Variants in ADAMTS17 observed in about 807,000 individuals in gnomAD.
ADAMTS17 encodes A disintegrin and metalloproteinase with thrombospondin motifs 17.
A neutral mutation model predicts 141.5 loss-of-function variants in ADAMTS17; 113 were observed. The ratio of observed to expected loss-of-function variants is 0.80; its 90% CI spans 0.69 to 0.93. The LOEUF (loss-of-function observed/expected upper bound fraction) is 0.93. Ranked by LOEUF, ADAMTS17 falls within the 40% of genes least tolerant of loss-of-function variation. ADAMTS17 has a pLI of 0.00. For synonymous variants in ADAMTS17, 768 were observed against 630.6 expected, an observed-to-expected ratio of 1.22 and a Z score of -3.27; for missense variants, 1,659 against 1,517.9, an observed-to-expected ratio of 1.09 and a Z score of -1.54.
chr15:100,204,775 C>G (rs1355124126), intron 7 of ADAMTS17, among the ~76,000 whole-genome samples: 4 of 152,136 alleles, frequency 2.6e-5, no homozygotes, highest in African/African-American at 4.8e-5. Flanking sequence ...TGGGAAAATC[C>G]TAACCTCTTA....
At chr15:100,112,922 T>C (rs1325478874) in intron 13 of ADAMTS17, among the ~76,000 whole-genome samples, 1 of 152,160 alleles carries the variant, frequency 6.6e-6, no homozygotes, top group African/African-American at 2.4e-5. Context: ...AAGACACTCG[T>C]GGCTCTCAGC....
intron 18 of ADAMTS17, among the ~76,000 whole-genome samples, chr15:100,045,006 T>C (rs1001810942): frequency 6.6e-6 from 1 of 151,840 alleles, no homozygotes; most frequent in African/African-American, 2.4e-5. Flanking sequence ...TGGGGTTTCA[T>C]CATGTTGGCC....
intron 7 of ADAMTS17, among the ~76,000 whole-genome samples, chr15:100,237,187 G>A (rs2042684846): frequency 6.6e-6 from 1 of 152,176 alleles, no homozygotes; most frequent in South Asian, 2.1e-4. Flanking sequence ...GAGGAGCCCA[G>A]CCTCAGCACC....
At chr15:100,326,900 G>C (rs913245979) in intron 3 of ADAMTS17, among the ~76,000 whole-genome samples, 1 of 152,242 alleles carries the variant, frequency 6.6e-6, no homozygotes, top group African/African-American at 2.4e-5. Context: ...TGACCGCAGA[G>C]AAGTGAAGCT....
intron 3 of ADAMTS17, among the ~76,000 whole-genome samples, chr15:100,310,657 A>G (rs73485932): frequency 0.077 from 11,665 of 152,114 alleles, 499 homozygotes; most frequent in African/African-American, 0.11. Context: ...TTGCATCCAC[A>G]CCACCACCAA....
At chr15:100,023,176 T>G (rs1434530824) in intron 18 of ADAMTS17, among the ~76,000 whole-genome samples, 5 of 152,142 alleles carry the variant, frequency 3.3e-5, no homozygotes, top group African/African-American at 1.2e-4. Context: ...CTTGTCAACT[T>G]TTGTTTTTAG....
intron 18 of ADAMTS17, among the ~76,000 whole-genome samples, chr15:100,033,535 G>A (rs1056396148): frequency 6.7e-6 from 1 of 149,088 alleles, no homozygotes; most frequent in East Asian, 1.9e-4. Context: ...CCTGTCTATA[G>A]GACTTAATAG....
chr15:100,265,882 C>G (rs2043698035), intron 4 of ADAMTS17, among the ~76,000 whole-genome samples: 1 of 152,226 alleles, frequency 6.6e-6, no homozygotes, highest in African/African-American at 2.4e-5. Context: ...CCCCAGCCCC[C>G]ACTGAATCAG....
chr15:100,194,342 C>G (rs1389680257), intron 8 of ADAMTS17, among the ~76,000 whole-genome samples: 3 of 152,226 alleles, frequency 2.0e-5, no homozygotes, highest in African/African-American at 7.2e-5. Flanking sequence ...GGCACCTCCC[C>G]TGGACCTAGC....
intron 4 of ADAMTS17, among the ~76,000 whole-genome samples, 192 bp from the exon 5 acceptor site, chr15:100,262,627 A>G (rs1361796443): frequency 6.6e-6 from 1 of 152,144 alleles, no homozygotes; most frequent in Non-Finnish European, 1.5e-5. Context: ...TGCCATTCTA[A>G]TATGAGAGGC....
chr15:100,197,467 CT>C (rs1449193708), intron 8 of ADAMTS17, among the ~76,000 whole-genome samples: 3 of 152,100 alleles, frequency 2.0e-5, no homozygotes, highest in Non-Finnish European at 4.4e-5. Flanking sequence ...CTGATTTATG[CT>C]TTTTTTCCCC....
At chr15:100,069,159 T>C (rs1351076477) in intron 15 of ADAMTS17, among the ~76,000 whole-genome samples, 2 of 151,666 alleles carry the variant, frequency 1.3e-5, no homozygotes, top group East Asian at 3.9e-4. Flanking sequence ...GAAGATGAAA[T>C]GAATAAAATG....
intron 15 of ADAMTS17, among the ~76,000 whole-genome samples, chr15:100,089,408 G>A (rs1387609166): frequency 2.0e-5 from 3 of 149,546 alleles, no homozygotes; most frequent in Non-Finnish European, 4.4e-5. Context: ...TTCAACCATT[G>A]TGGAAGACAG....
At chr15:100,108,065 C>A (rs1326454491) in intron 14 of ADAMTS17, among the ~76,000 whole-genome samples, 1 of 152,168 alleles carries the variant, frequency 6.6e-6, no homozygotes, top group African/African-American at 2.4e-5. Flanking sequence ...ACCTCTGCTA[C>A]CCCAGGCTAG....
chr15:100,203,519 C>A (rs2041418799), intron 7 of ADAMTS17, among the ~76,000 whole-genome samples: 1 of 152,194 alleles, frequency 6.6e-6, no homozygotes, highest in Non-Finnish European at 1.5e-5. Flanking sequence ...TCCTGGCTAA[C>A]ATGGTGAAAC....
chr15:100,094,087 G>GAAAAACA (rs10640655), intron 15 of ADAMTS17, among the ~76,000 whole-genome samples: 30,486 of 151,830 alleles, frequency 0.2, 3,694 homozygotes, highest in East Asian at 0.48. Flanking sequence ...GTGAGGATTT[G>GAAAAACA]AAAAACAAAA....
intron 21 of ADAMTS17, among the ~76,000 whole-genome samples, chr15:99,975,367 G>A (rs551537490): frequency 2.6e-5 from 4 of 152,166 alleles, no homozygotes; most frequent in African/African-American, 7.2e-5. Context: ...ACGCCACCAC[G>A]CCCGGCTGAT....
chr15:100,271,236 G>A (rs76035115), intron 4 of ADAMTS17, among the ~76,000 whole-genome samples: 9,491 of 152,194 alleles, frequency 0.062, 353 homozygotes, highest in Non-Finnish European at 0.085. Context: ...TCTTGTCCCT[G>A]CTTTGGGATA....
chr15:100,062,527 C>A (rs2033202379), intron 15 of ADAMTS17, among the ~76,000 whole-genome samples: 1 of 152,148 alleles, frequency 6.6e-6, no homozygotes, highest in African/African-American at 2.4e-5. Flanking sequence ...GTGTCTGTCT[C>A]ATTAGACTTT....
Sources: gnomAD v4.1 joint callset for allele counts (sites outside exome capture counted in the v4.1 genomes callset) on GRCh38, gnomAD v4.1.1 for gene constraint, MANE v1.5 for transcripts, NCBI Gene and HGNC (gene_info 2026-07-23, HGNC 2026-07-21) for gene names.